The following UBL3 variants were observed in gnomAD, a reference collection of about 807,000 sequenced individuals.
UBL3 encodes ubiquitin-like protein 3.
A neutral mutation model predicts 18.4 loss-of-function variants in UBL3; 6 were observed. The observed-to-expected ratio is 0.33, with a 90% CI of 0.18 to 0.64. The LOEUF (loss-of-function observed/expected upper bound fraction) is 0.64. Among genes scored for constraint, UBL3 ranks in the 30% least tolerant of loss-of-function variants. UBL3 has a pLI of 0.76. For synonymous variants in UBL3, 49 were observed against 46.6 expected, an observed-to-expected ratio of 1.05 and a Z score of -0.21; for missense variants, 109 against 142.9, an observed-to-expected ratio of 0.76 and a Z score of 1.21.
intron 1 of UBL3, among the ~76,000 whole-genome samples, chr13:29,825,160 T>G (rs1480701222): frequency 1.3e-5 from 2 of 152,242 alleles, no homozygotes; most frequent in East Asian, 3.8e-4. Context: ...AGCTTTGTTC[T>G]TTTGGCTTAG....
chr13:29,829,272 G>C (rs1878706327), intron 1 of UBL3, among the ~76,000 whole-genome samples: 1 of 152,192 alleles, frequency 6.6e-6, no homozygotes, highest in Non-Finnish European at 1.5e-5. Context: ...GTTCGGCTGT[G>C]CCCTGCCCCC....
intron 1 of UBL3, among the ~76,000 whole-genome samples, chr13:29,794,464 A>T (rs924469389): frequency 1.3e-5 from 2 of 152,176 alleles, no homozygotes; most frequent in African/African-American, 4.8e-5. Context: ...GGTTAACTGA[A>T]TTTAGAGAAT....
chr13:29,823,271 T>C (rs1470070106), intron 1 of UBL3, among the ~76,000 whole-genome samples: 4 of 152,138 alleles, frequency 2.6e-5, no homozygotes, highest in Non-Finnish European at 4.4e-5. Context: ...GCCTCCCAAG[T>C]AGGTGGGGTT....
chr13:29,792,739 T>C (rs1322305450), intron 1 of UBL3, among the ~76,000 whole-genome samples: 3 of 152,108 alleles, frequency 2.0e-5, no homozygotes, highest in African/African-American at 7.3e-5. Context: ...TTAATAGTTA[T>C]TAATTAAATT....
intron 1 of UBL3, among the ~76,000 whole-genome samples, chr13:29,804,515 C>A (rs982782147): frequency 6.6e-6 from 1 of 151,852 alleles, no homozygotes; most frequent in Non-Finnish European, 1.5e-5. Context: ...AAAAACCATA[C>A]AAAAGATCAA....
intron 1 of UBL3, among the ~76,000 whole-genome samples, chr13:29,847,362 G>A (rs1167604460): frequency 6.6e-6 from 1 of 152,154 alleles, no homozygotes; most frequent in African/African-American, 2.4e-5. Flanking sequence ...CTTTGCCCTT[G>A]CATATCACCT....
rs577156621 is a variant in UBL3, at chr13:29,764,952, T to C, written c.*2303A>G. On this transcript the variant is annotated 3_prime_UTR_variant, in exon 5 of 5. Coordinates refer to ENST00000380680, the MANE Select transcript of UBL3 (RefSeq NM_007106.4). ...ACTATTAAGGCATCTAAATTTTTGG[T>C]GTTTTCAGTATATAATTTTACTGCT... 1 of 152,280 alleles carries C rather than the reference T, an allele frequency of 6.6e-6. No homozygotes were observed. Among genetic ancestry groups the C allele is most frequent in the Admixed American group, 6.5e-5 (1 of 15,286 alleles). The allele number at this position is 152,280 out of a possible 1,614,324, so 9.4% of individuals were successfully genotyped here.
At chr13:29,825,265 G>A (rs964870731) in intron 1 of UBL3, among the ~76,000 whole-genome samples, 1 of 152,112 alleles carries the variant, frequency 6.6e-6, no homozygotes, top group African/African-American at 2.4e-5. Context: ...TGATGGGGAT[G>A]GCATTGAATC....
chr13:29,834,434 A>T (rs775812826), intron 1 of UBL3, among the ~76,000 whole-genome samples: 15 of 152,082 alleles, frequency 9.9e-5, no homozygotes, highest in Non-Finnish European at 2.1e-4. Context: ...ATAATGAGAA[A>T]GATTTTATAG....
At chr13:29,777,717 C>G (rs1311046749) in intron 1 of UBL3, among the ~76,000 whole-genome samples, 1 of 152,064 alleles carries the variant, frequency 6.6e-6, no homozygotes, top group Non-Finnish European at 1.5e-5. Context: ...AAACTATATA[C>G]AAGTTTTTTT....
At position 29,850,038 on chromosome 13, in the gene UBL3, C is replaced by G. The variant is rs979708789; in HGVS notation, c.-500G>C. The G allele has an allele frequency of 6.5e-6, 1 of 154,016 alleles. No individual in the cohort carries two copies. The highest frequency in any genetic ancestry group is 2.4e-5 in the African/African-American group (1 of 41,600). 9.5% of individuals were successfully genotyped at this position (154,016 alleles called of 1,614,324 possible). A position where few individuals can be genotyped will look rare whatever the true frequency, so the allele number is the denominator to read the frequency against. On this transcript the variant is annotated 5_prime_UTR_variant, in exon 1 of 5. Coordinates refer to ENST00000380680, the MANE Select transcript of UBL3 (RefSeq NM_007106.4). The stretch of plus-strand genomic sequence containing the variant: ...CGACGCGTGAGCCTTGAGTGGCGGC[C>G]GAGCGGTGGCCGGACGCTGGCCGCG...
At chr13:29,843,027 GA>G (rs1271106102) in intron 1 of UBL3, among the ~76,000 whole-genome samples, 1 of 152,160 alleles carries the variant, frequency 6.6e-6, no homozygotes, top group Admixed American at 6.5e-5. Context: ...AAATGGTTAG[GA>G]ATAAGTAGGC....
intron 1 of UBL3, among the ~76,000 whole-genome samples, chr13:29,808,577 T>C (rs963519707): frequency 2.0e-5 from 3 of 152,162 alleles, no homozygotes; most frequent in Non-Finnish European, 4.4e-5. Context: ...CTGTTTTGTT[T>C]TGTGTAGTTT....
intron 1 of UBL3, among the ~76,000 whole-genome samples, chr13:29,783,166 G>C (rs7324524): frequency 6.6e-6 from 1 of 152,082 alleles, no homozygotes; most frequent in Non-Finnish European, 1.5e-5. Context: ...GTTCAAATGC[G>C]TGAACACCTC....
chr13:29,843,632 T>C (rs1228266997), intron 1 of UBL3, among the ~76,000 whole-genome samples: 1 of 152,236 alleles, frequency 6.6e-6, no homozygotes, highest in Admixed American at 6.5e-5. Flanking sequence ...GTCAATGTTA[T>C]TAAAATTTTC....
At chr13:29,776,297 C>G (rs1876990692) in intron 2 of UBL3, among the ~76,000 whole-genome samples, 1 of 109,598 alleles carries the variant, frequency 9.1e-6, no homozygotes, top group Non-Finnish European at 1.7e-5. Flanking sequence ...GGGTCTTGCT[C>G]TGTTGCTCAG....
At chr13:29,836,126 G>A (rs1252921899) in intron 1 of UBL3, among the ~76,000 whole-genome samples, 1 of 152,162 alleles carries the variant, frequency 6.6e-6, no homozygotes, top group African/African-American at 2.4e-5. Flanking sequence ...GCATGATGAA[G>A]AGAAGTAGAT....
At chr13:29,784,564 T>TG (rs1877259508) in intron 1 of UBL3, among the ~76,000 whole-genome samples, 1 of 149,202 alleles carries the variant, frequency 6.7e-6, no homozygotes, top group Non-Finnish European at 1.5e-5. Context: ...TGCAAATCTT[T>TG]GGAAAAAAAA....
chr13:29,830,880 C>G (rs932026216), intron 1 of UBL3, among the ~76,000 whole-genome samples: 7 of 152,262 alleles, frequency 4.6e-5, no homozygotes, highest in East Asian at 1.9e-4. Context: ...CACTCTTGAC[C>G]ACATTGAAAT....
Sources: allele counts gnomAD v4.1 joint callset (sites outside exome capture counted in the v4.1 genomes callset), GRCh38; gene constraint gnomAD v4.1.1; transcripts MANE v1.5; gene names NCBI Gene and HGNC (gene_info 2026-07-23, HGNC 2026-07-21).